FLYWCH1: variants seen among roughly 807,000 people sequenced by gnomAD.
The protein encoded by FLYWCH1 is FLYWCH-type zinc finger-containing protein 1.
FLYWCH1 carries 75 observed loss-of-function variants against 66.4 expected under a neutral mutation model. The ratio of observed to expected loss-of-function variants is 1.13; its 90% CI spans 0.94 to 1.37. The LOEUF is 1.37. Ranked by LOEUF, FLYWCH1 falls within the 40% of genes most tolerant of loss-of-function variation. The pLI, the probability that FLYWCH1 is intolerant of heterozygous loss-of-function variation, is 0.00. For missense variants in FLYWCH1, 1,334 were observed against 1,001.8 expected (o/e 1.33, Z -4.48); for synonymous variants, 595 against 429.9 (o/e 1.38, Z -4.75).
In FLYWCH1 at chr16:2,925,264, G is replaced by A. The variant is rs1268445232; in HGVS notation, c.-73-4349G>A. Among the ~76,000 whole-genome samples the A allele has an allele frequency of 3.9e-5, 6 of 152,196 alleles. No homozygotes were observed. The East Asian group carries it at 7.7e-4, about 20-fold the overall frequency. ...ACAAAGGGGACTTTCTCCAGAGGGC[G>A]GGGGCCTCGCGGGACCTGGGCTGGG... On this transcript the variant is annotated intron_variant, in intron 2 of 9. Coordinates refer to ENST00000253928, the MANE Select transcript of FLYWCH1 (RefSeq NM_001308068.2).
At chr16:2,940,191 C>T (rs1465128374) in intron 9 of FLYWCH1, 99 bp downstream of exon 9, 1 of 686,626 alleles carries the variant, frequency 1.5e-6, no homozygotes, top group Non-Finnish European at 2.7e-6. Flanking sequence ...TGTGGGTCAA[C>T]ATTATGGGAG....
At chr16:2,945,566 GTGC>G (rs1358331169) in intron 9 of FLYWCH1, among the ~76,000 whole-genome samples, 15 of 148,128 alleles carry the variant, frequency 1.0e-4, no homozygotes, top group Non-Finnish European at 2.1e-4. Context: ...TGAGGCTGCA[GTGC>G]ACTGAGATCG....
At chr16:2,922,766 C>T (rs1334578542) in intron 2 of FLYWCH1, 4 of 518,058 alleles carry the variant, frequency 7.7e-6, no homozygotes, top group African/African-American at 1.9e-5. Context: ...TGACCTGGGC[C>T]ACAACCACCT....
intron 6 of FLYWCH1, chr16:2,934,917 GGC>G: frequency 6.1e-6 from 1 of 164,948 alleles, no homozygotes; most frequent in South Asian, 8.9e-5. Flanking sequence ...TTCTTGCACA[GGC>G]TTTTTTTTTT....
rs2071650308 is a variant in FLYWCH1 at position 2,951,118 on chromosome 16, A to G, written c.*2391A>G. 6.6e-6 allele frequency: 1 copy of G among 152,292 alleles called. No homozygotes were observed. The highest frequency in any genetic ancestry group is 1.5e-5 in the Non-Finnish European group (1 of 68,064). The allele number at this position is 152,292 out of a possible 1,614,324, so 9.4% of individuals were successfully genotyped here. ...ACAAACCCTGCTGTATGACATTTGC[A>G]CCACATGGTGTGTGTCCGTGCCCTT... On this transcript the variant is annotated 3_prime_UTR_variant, in exon 10 of 10. Transcript: ENST00000253928.
intron 8 of FLYWCH1, 150 bp downstream of exon 8, chr16:2,938,606 TG>T: frequency 8.4e-5 from 52 of 616,508 alleles, no homozygotes; most frequent in Middle Eastern, 4.6e-4. Flanking sequence ...AACCAGTCTT[TG>T]TTTTTTTTTT....
Position 2,930,474 on chromosome 16 carries a change from C to T in FLYWCH1, c.390C>T (p.Ser130=), listed in dbSNP as rs1567332148. The change falls in exon 4 of 10, where the codon TCC becomes TCT. Residue 130 remains serine, a synonymous_variant. Transcript: ENST00000253928. ...PFGGRLLVLE[S]FLYKQEKAVG... Reference sequence around the variant, plus strand: ...GGGGCCGCCTCCTGGTGCTGGAGTCCTTCCTGTACAAGCAGGAGAAGGCAG... The same window carrying T: ...GGGGCCGCCTCCTGGTGCTGGAGTCTTTCCTGTACAAGCAGGAGAAGGCAG... 2.0e-6 allele frequency: 3 copies of T among 1,516,854 alleles called. No individual in the cohort carries two copies. In the Admixed American group the frequency reaches 7.7e-5, roughly 39 times the overall value. 94.0% of individuals were successfully genotyped at this position (1,516,854 alleles called of 1,614,324 possible).
rs1180936396 is a variant in FLYWCH1 at position 2,933,745 on chromosome 16, G to C, written c.1279G>C (p.Gly427Arg). Residue 427 changes from glycine (G) to arginine (R), a missense_variant, in exon 6 of 10, where the codon GGG (glycine) becomes CGG (arginine). Gly to Arg is a moderately radical substitution (Grantham distance 125, BLOSUM62 -2). Coordinates refer to ENST00000253928, the MANE Select transcript of FLYWCH1 (RefSeq NM_001308068.2). ...CCCTGAGTTCCTGAAGACGCCCCTG[G>C]GGGGCAGCTTCCTGGTGTACGAGTC... ...GGPEFLKTPL[G>R]GSFLVYESFL... is the part of the protein sequence containing the mutation. The C allele has an allele frequency of 6.2e-7, 1 of 1,613,236 alleles. No homozygotes were observed. The highest frequency in any genetic ancestry group is 8.5e-7 in the Non-Finnish European group (1 of 1,179,622).
chr16:2,932,789 G>A (rs867578125), intron 4 of FLYWCH1, among the ~76,000 whole-genome samples: 90 of 152,128 alleles, frequency 5.9e-4, no homozygotes, highest in African/African-American at 2.0e-3. Context: ...GGCCCCTCCC[G>A]GTGTAACCTT....
At position 2,929,276 on chromosome 16, in the gene FLYWCH1, G is replaced by A. The variant is rs116503179; in HGVS notation, c.-73-337G>A. On this transcript the variant is annotated intron_variant, in intron 2 of 9. Coordinates refer to ENST00000253928, the MANE Select transcript of FLYWCH1 (RefSeq NM_001308068.2). The stretch of plus-strand genomic sequence containing the variant: ...GAACGTTCTGCCGTCATAATGTAGG[G>A]ACTGGAGGGGGGACTGGAAACGCGG... Among the ~76,000 whole-genome samples the A allele has an allele frequency of 1.8e-3, 277 of 152,316 alleles. 2 individuals are homozygous for A. Among genetic ancestry groups the A allele is most frequent in the African/African-American group, 6.3e-3 (263 of 41,578 alleles).
chr16:2,928,476 C>T (rs762734357), intron 2 of FLYWCH1, among the ~76,000 whole-genome samples: 3 of 152,332 alleles, frequency 2.0e-5, no homozygotes, highest in South Asian at 2.1e-4. Context: ...ATGGCAGTGA[C>T]TTTTACCAGG....
chr16:2,943,287 G>A (rs6500733), intron 9 of FLYWCH1: 42,628 of 151,698 alleles, frequency 0.28, 6,167 homozygotes, highest in Admixed American at 0.3. Context: ...CACATTCTGC[G>A]GGAGGGGACC....
At chr16:2,918,798 T>A (rs2070266154) in intron 2 of FLYWCH1, among the ~76,000 whole-genome samples, 1 of 152,158 alleles carries the variant, frequency 6.6e-6, no homozygotes, top group African/African-American at 2.4e-5. Context: ...ATAACAAATA[T>A]GACCAGAATA....
At chr16:2,916,799 C>A (rs1359008685) in intron 2 of FLYWCH1, among the ~76,000 whole-genome samples, 1 of 151,946 alleles carries the variant, frequency 6.6e-6, no homozygotes, top group East Asian at 1.9e-4. Flanking sequence ...TTGAGGTTCC[C>A]CAAAATACCC....
Position 2,933,812 on chromosome 16 carries a change from A to G in FLYWCH1, c.1346A>G (p.Tyr449Cys), listed in dbSNP as rs1262064120. The stretch of plus-strand genomic sequence containing the variant: ...GAGAAGGCGGCTGGGGAGAAGGTGT[A>G]TTGGACCTGCCGGGACCAGGCCCGC... ...RREKAAGEKV[Y>C]WTCRDQARMG... The change falls in exon 6 of 10, where the codon TAT (tyrosine) becomes TGT (cysteine). Residue 449 changes from tyrosine to cysteine, a missense_variant. Coordinates refer to ENST00000253928, the MANE Select transcript of FLYWCH1 (RefSeq NM_001308068.2). 8 of 1,607,584 alleles carry G rather than the reference A, an allele frequency of 5.0e-6. No homozygotes were observed. Among genetic ancestry groups the G allele is most frequent in the African/African-American group, 1.3e-5 (1 of 74,692 alleles).
At chr16:2,918,540 G>A (rs1238259562) in intron 2 of FLYWCH1, among the ~76,000 whole-genome samples, 2 of 149,708 alleles carry the variant, frequency 1.3e-5, no homozygotes, top group African/African-American at 4.9e-5. Flanking sequence ...TCCCGGTTTC[G>A]AGTGACTCTT....
chr16:2,913,407 G>A (rs1332505339), intron 1 of FLYWCH1, among the ~76,000 whole-genome samples: 3 of 152,104 alleles, frequency 2.0e-5, no homozygotes, highest in Non-Finnish European at 4.4e-5. Context: ...ACCGGGCTGG[G>A]GGGGTCTCAT....
At chr16:2,934,043 C>T in intron 6 of FLYWCH1, 64 bp downstream of exon 6, 1 of 1,444,074 alleles carries the variant, frequency 6.9e-7, no homozygotes. Flanking sequence ...ACTGCCTTTC[C>T]CTCTCCATGC....
chr16:2,922,327 C>T (rs1481201332), intron 2 of FLYWCH1: 1 of 162,148 alleles, frequency 6.2e-6, no homozygotes, highest in Non-Finnish European at 1.3e-5. Flanking sequence ...AACCCTTGGT[C>T]TTTGTGAGCA....
Sources: allele counts gnomAD v4.1 joint callset (sites outside exome capture counted in the v4.1 genomes callset), GRCh38; gene constraint gnomAD v4.1.1; transcripts MANE v1.5; gene names NCBI Gene and HGNC (gene_info 2026-07-23, HGNC 2026-07-21).